Variants in DSCAM observed in about 807,000 individuals in gnomAD.
DSCAM encodes cell adhesion molecule DSCAM.
DSCAM carries 47 observed loss-of-function variants against 217.7 expected under a neutral mutation model. That is an observed-to-expected ratio of 0.22 (90% CI 0.17 to 0.28). The LOEUF is 0.28. DSCAM is among the 10% of genes least tolerant of loss of function. DSCAM has a pLI of 1.00. For missense variants in DSCAM, 2,080 were observed against 2,618.3 expected, an observed-to-expected ratio of 0.79 and a Z score of 4.49; for synonymous variants, 1,056 against 1,015.3, an observed-to-expected ratio of 1.04 and a Z score of -0.76.
chr21:40,668,022 T>C (rs1222708132), intron 3 of DSCAM, among the ~76,000 whole-genome samples: 1 of 152,166 alleles, frequency 6.6e-6, no homozygotes, highest in Non-Finnish European at 1.5e-5. Flanking sequence ...TATCTGGAAG[T>C]AGAAGGCCCC....
intron 3 of DSCAM, among the ~76,000 whole-genome samples, chr21:40,604,628 T>C (rs1253496659): frequency 6.6e-6 from 1 of 152,210 alleles, no homozygotes; most frequent in African/African-American, 2.4e-5. Flanking sequence ...AGTTTCTTTA[T>C]CTCACTTTTC....
intron 3 of DSCAM, among the ~76,000 whole-genome samples, chr21:40,514,408 C>A (rs1257635585): frequency 6.6e-6 from 1 of 152,200 alleles, no homozygotes; most frequent in Non-Finnish European, 1.5e-5. Context: ...TAGAAACTCA[C>A]ACTGGATTAG....
chr21:40,616,942 G>A (rs1220778779), intron 3 of DSCAM, among the ~76,000 whole-genome samples: 39 of 146,152 alleles, frequency 2.7e-4, no homozygotes, highest in African/African-American at 8.8e-4. Context: ...GCGTGAACCC[G>A]GGAGGCGGAG....
intron 3 of DSCAM, among the ~76,000 whole-genome samples, chr21:40,689,219 A>C (rs2090514316): frequency 1.3e-5 from 2 of 152,228 alleles, no homozygotes; most frequent in Admixed American, 1.3e-4. Flanking sequence ...TTTGCTTTTC[A>C]TTAAAAAAGA....
intron 3 of DSCAM, among the ~76,000 whole-genome samples, chr21:40,380,849 G>C (rs1307619808): frequency 6.6e-6 from 1 of 151,950 alleles, no homozygotes; most frequent in Non-Finnish European, 1.5e-5. Flanking sequence ...GGATCACAAG[G>C]TCAGGAGATC....
At chr21:40,021,539 C>T (rs2088273097) in intron 32 of DSCAM, among the ~76,000 whole-genome samples, 1 of 152,244 alleles carries the variant, frequency 6.6e-6, no homozygotes, top group Non-Finnish European at 1.5e-5. Context: ...GCACCCATCA[C>T]TGCCTTTCTG....
intron 3 of DSCAM, among the ~76,000 whole-genome samples, chr21:40,584,072 A>G (rs909784810): frequency 6.6e-6 from 1 of 152,154 alleles, no homozygotes; most frequent in Non-Finnish European, 1.5e-5. Flanking sequence ...ACAATTCTGT[A>G]TCAGTCAGAA....
At chr21:40,615,545 A>C (rs1334273248) in intron 3 of DSCAM, 1 of 152,218 alleles carries the variant, frequency 6.6e-6, no homozygotes, top group Non-Finnish European at 1.5e-5. Flanking sequence ...ATTCCCCAAC[A>C]AATTCGTACC....
At chr21:40,498,178 G>C (rs980553377) in intron 3 of DSCAM, among the ~76,000 whole-genome samples, 1 of 152,138 alleles carries the variant, frequency 6.6e-6, no homozygotes, top group African/African-American at 2.4e-5. Context: ...TTCACAATGA[G>C]AGTTCAGGAC....
At chr21:40,740,116 G>A (rs747480071) in intron 1 of DSCAM, among the ~76,000 whole-genome samples, 8 of 152,024 alleles carry the variant, frequency 5.3e-5, no homozygotes, top group South Asian at 2.1e-4. Context: ...GCTAGAAAGC[G>A]CCTAAGACAG....
Position 40,144,734 on chromosome 21 carries a change from A to G in DSCAM, c.3019-3T>C, listed in dbSNP as rs2090334644. 2 of 1,614,180 alleles carry G rather than the reference A, an allele frequency of 1.2e-6. No homozygotes were observed. Among genetic ancestry groups the G allele is most frequent in the Non-Finnish European group, 1.7e-6 (2 of 1,180,040 alleles). ...TTTTGCAAATGTTTCTTGGGAGCCTAAACAGGAGAGAAAAGAACACACTAA... is the reference window on the plus strand; with the variant it reads ...TTTTGCAAATGTTTCTTGGGAGCCTGAACAGGAGAGAAAAGAACACACTAA... On this transcript the variant is annotated splice_polypyrimidine_tract_variant and splice_region_variant and intron_variant, in intron 16 of 32. Transcript: ENST00000400454. The surrounding 1 kb of genome is among the most constrained non-coding windows in gnomAD (Gnocchi z 4.8).
intron 20 of DSCAM, among the ~76,000 whole-genome samples, chr21:40,105,958 T>C (rs547202758): frequency 6.6e-6 from 1 of 152,348 alleles, no homozygotes; most frequent in Non-Finnish European, 1.5e-5. Context: ...TAAAGCCTAC[T>C]TGATCATGGT....
intron 1 of DSCAM, among the ~76,000 whole-genome samples, chr21:40,718,083 A>T (rs906042329): frequency 4.6e-5 from 7 of 152,176 alleles, no homozygotes; most frequent in African/African-American, 1.2e-4. Flanking sequence ...TGAAGAAAAT[A>T]AAAAAAGTCA....
intron 1 of DSCAM, among the ~76,000 whole-genome samples, chr21:40,721,412 A>G (rs1411943526): frequency 6.6e-6 from 1 of 152,230 alleles, no homozygotes; most frequent in Non-Finnish European, 1.5e-5. Flanking sequence ...GTCAATATGT[A>G]CAAGACAGTA....
At chr21:40,779,098 C>A in intron 1 of DSCAM, among the ~76,000 whole-genome samples, 1 of 150,070 alleles carries the variant, frequency 6.7e-6, no homozygotes, top group Non-Finnish European at 1.5e-5. Flanking sequence ...AATAATCCTG[C>A]CCATGGAAGG....
At chr21:40,709,093 T>C (rs1201450493) in intron 1 of DSCAM, among the ~76,000 whole-genome samples, 1 of 152,202 alleles carries the variant, frequency 6.6e-6, no homozygotes, top group Non-Finnish European at 1.5e-5. Context: ...ATATATTTTA[T>C]ATTCACTTAT....
At chr21:40,236,613 T>C (rs1448020749) in intron 11 of DSCAM, among the ~76,000 whole-genome samples, 1 of 152,184 alleles carries the variant, frequency 6.6e-6, no homozygotes, top group African/African-American at 2.4e-5. Context: ...ACTCACAACC[T>C]GGCTCTGCTT....
At chr21:40,567,498 G>C (rs544892308) in intron 3 of DSCAM, among the ~76,000 whole-genome samples, 1 of 152,216 alleles carries the variant, frequency 6.6e-6, no homozygotes, top group African/African-American at 2.4e-5. Flanking sequence ...GACTGCAGCC[G>C]TTTTTTATTA....
At chr21:40,244,833 T>C (rs1171196340) in intron 11 of DSCAM, among the ~76,000 whole-genome samples, 1 of 152,162 alleles carries the variant, frequency 6.6e-6, no homozygotes, top group Non-Finnish European at 1.5e-5. Flanking sequence ...AGAGGAGTTT[T>C]AAAAAGCAAG....
Sources: allele counts gnomAD v4.1 joint callset (sites outside exome capture counted in the v4.1 genomes callset), GRCh38; gene constraint gnomAD v4.1.1; non-coding constraint Gnocchi (gnomAD v3.1); transcripts MANE v1.5; gene names NCBI Gene and HGNC (gene_info 2026-07-23, HGNC 2026-07-21).